CTDSPL: variants seen among roughly 807,000 people sequenced by gnomAD.
CTDSPL encodes CTD small phosphatase like.
A neutral mutation model predicts 30.5 loss-of-function variants in CTDSPL; 8 were observed. That is an observed-to-expected ratio of 0.26 (90% CI 0.15 to 0.47). The LOEUF is 0.47. Ranked by LOEUF, CTDSPL falls within the 20% of genes least tolerant of loss-of-function variation. The pLI is 0.99. For missense variants in CTDSPL, 248 were observed against 366.1 expected (o/e 0.68, Z 2.63); for synonymous variants, 110 against 137.9 (o/e 0.80, Z 1.42).
chr3:37,974,070 A>G (rs900792034), intron 6 of CTDSPL, among the ~76,000 whole-genome samples: 2 of 152,228 alleles, frequency 1.3e-5, no homozygotes, highest in Non-Finnish European at 2.9e-5. Context: ...CTCATCAGCT[A>G]TTGTTAGTGA....
chr3:37,974,700 A>T (rs2125635002), intron 6 of CTDSPL, among the ~76,000 whole-genome samples: 1 of 152,306 alleles, frequency 6.6e-6, no homozygotes, highest in Middle Eastern at 3.4e-3. Context: ...CGCAACTGTG[A>T]GCTGGGCTCA....
At position 37,975,768 on chromosome 3, in the gene CTDSPL, C is replaced by T. The variant is rs753445981; in HGVS notation, c.579C>T (p.Phe193=). 10 of 1,614,116 alleles carry T rather than the reference C, an allele frequency of 6.2e-6. No individual in the cohort carries two copies. Among genetic ancestry groups the T allele is most frequent in the Non-Finnish European group, 8.5e-6 (10 of 1,180,036 alleles). Residue 193 remains phenylalanine, a synonymous_variant, in exon 7 of 8, where the codon TTC becomes TTT. Transcript: ENST00000273179. The surrounding 1 kb of genome is among the most constrained non-coding windows in gnomAD (Gnocchi z 4.9). ...DRWGVFRARL[F]RESCVFHRGN... ...GGGGTGTGTTCCGGGCCCGGCTCTT[C>T]AGAGAATCATGTGTTTTTCATCGTG... is the stretch of plus-strand genomic sequence containing the variant.
chr3:37,875,232 C>T (rs1698122618), intron 1 of CTDSPL, among the ~76,000 whole-genome samples: 1 of 152,188 alleles, frequency 6.6e-6, no homozygotes, highest in Admixed American at 6.5e-5. Flanking sequence ...CCTCTGAAAC[C>T]AGGACCTAAT....
intron 6 of CTDSPL, among the ~76,000 whole-genome samples, chr3:37,974,359 C>T (rs771444789): frequency 9.9e-5 from 15 of 152,220 alleles, no homozygotes; most frequent in Non-Finnish European, 1.8e-4. Context: ...TTGCAGCCCA[C>T]GTCCCACAGC....
intron 1 of CTDSPL, among the ~76,000 whole-genome samples, chr3:37,932,295 G>C (rs887899087): frequency 6.6e-6 from 1 of 152,128 alleles, no homozygotes; most frequent in African/African-American, 2.4e-5. Context: ...TATCGTATTA[G>C]AATGAGAAGG....
chr3:37,944,403 A>G (rs1013949014), intron 1 of CTDSPL, among the ~76,000 whole-genome samples: 2 of 150,228 alleles, frequency 1.3e-5, no homozygotes, highest in South Asian at 2.2e-4. Flanking sequence ...TTTTTATTTC[A>G]TGTGTCAACC....
At chr3:37,897,309 C>G (rs1442927783) in intron 1 of CTDSPL, among the ~76,000 whole-genome samples, 1 of 152,116 alleles carries the variant, frequency 6.6e-6, no homozygotes, top group Non-Finnish European at 1.5e-5. Context: ...TAGGGGGAAG[C>G]TTACCAAGTT....
At chr3:37,945,013 C>T (rs1207821882) in intron 1 of CTDSPL, among the ~76,000 whole-genome samples, 2 of 150,124 alleles carry the variant, frequency 1.3e-5, no homozygotes, top group East Asian at 1.9e-4. Flanking sequence ...GGGGAAAGTT[C>T]GTGTGATCCA....
rs962171158 is a variant in CTDSPL at position 37,894,409 on chromosome 3, G to GT, written c.79+32140dup. Among the ~76,000 whole-genome samples the GT allele has an allele frequency of 4.4e-4, 66 of 151,288 alleles. 1 individual carries two copies. The highest frequency in any genetic ancestry group is 3.4e-3 in the Middle Eastern group (1 of 292). ...GGCGTGAACCACCAGGCCCAGCCAAGTTTTTTTTTCCAAATGCTGTTATAA... is the reference window on the plus strand; with the variant it reads ...GGCGTGAACCACCAGGCCCAGCCAAGTTTTTTTTTTCCAAATGCTGTTATAA... On this transcript the variant is annotated intron_variant, in intron 1 of 7. Coordinates refer to ENST00000273179, the MANE Select transcript of CTDSPL (RefSeq NM_001008392.2).
chr3:37,947,139 T>C lies in CTDSPL; in HGVS notation c.162T>C (p.Asn54=), dbSNP rs748570018. 6.2e-7 allele frequency: 1 copy of C among 1,613,428 alleles called. No individual in the cohort carries two copies. Among genetic ancestry groups the C allele is most frequent in the East Asian group, 2.2e-5 (1 of 44,882 alleles). ...SSFFCCFRDY[N]VEAPPPSSPS... is the part of the protein sequence containing the mutation. ...TCTTCTGCTGCTTCCGTGATTACAA[T>C]GTGGAGGCCCCTCCACCCAGCAGCC... The change falls in exon 2 of 8, where the codon AAT becomes AAC. Residue 54 remains asparagine (N), a synonymous_variant. Transcript: ENST00000273179.
At chr3:37,884,955 G>C (rs550624763) in intron 1 of CTDSPL, among the ~76,000 whole-genome samples, 1 of 152,142 alleles carries the variant, frequency 6.6e-6, no homozygotes, top group East Asian at 1.9e-4. Context: ...ATTTGATGGG[G>C]TGTGGGCAGC....
chr3:37,934,661 G>T (rs1698894393), intron 1 of CTDSPL, among the ~76,000 whole-genome samples: 1 of 152,204 alleles, frequency 6.6e-6, no homozygotes, highest in Non-Finnish European at 1.5e-5. Flanking sequence ...CCAAATAGGG[G>T]GTTGGCCATA....
At chr3:37,949,853 C>T (rs556436063) in intron 2 of CTDSPL, among the ~76,000 whole-genome samples, 1 of 152,296 alleles carries the variant, frequency 6.6e-6, no homozygotes, top group Non-Finnish European at 1.5e-5. Flanking sequence ...CATTAAGGCC[C>T]CCAGTTTTCC....
At position 37,981,020 on chromosome 3, in the gene CTDSPL, T is replaced by G; in HGVS notation, c.*153T>G. The G allele has an allele frequency of 1.2e-6, 1 of 802,438 alleles. No homozygotes were observed. Among genetic ancestry groups the G allele is most frequent in the Non-Finnish European group, 1.8e-6 (1 of 569,886 alleles). 49.7% of individuals were successfully genotyped at this position (802,438 alleles called of 1,614,324 possible). ...GCCATGCCTACCTGTTTTGTTTTTT[T>G]AAGAACAGAAACAACTATTTTAAAA... On this transcript the variant is annotated 3_prime_UTR_variant, in exon 8 of 8. Coordinates refer to ENST00000273179, the MANE Select transcript of CTDSPL (RefSeq NM_001008392.2).
intron 2 of CTDSPL, among the ~76,000 whole-genome samples, chr3:37,953,805 A>T (rs891961203): frequency 2.6e-5 from 4 of 152,240 alleles, no homozygotes; most frequent in Non-Finnish European, 5.9e-5. Flanking sequence ...CTAAAAATAA[A>T]CAGCAACCAA....
intron 1 of CTDSPL, among the ~76,000 whole-genome samples, chr3:37,918,758 T>C (rs1035244635): frequency 3.9e-5 from 6 of 152,156 alleles, no homozygotes; most frequent in African/African-American, 1.2e-4. Flanking sequence ...TAAAGGACAG[T>C]GCCTGGAGCT....
At chr3:37,899,172 T>G (rs965061409) in intron 1 of CTDSPL, among the ~76,000 whole-genome samples, 2 of 152,162 alleles carry the variant, frequency 1.3e-5, no homozygotes, top group Non-Finnish European at 2.9e-5. Flanking sequence ...AGAAGAGCAG[T>G]CTTGGCTGGA....
At chr3:37,877,135 A>C (rs916954838) in intron 1 of CTDSPL, among the ~76,000 whole-genome samples, 1 of 152,036 alleles carries the variant, frequency 6.6e-6, no homozygotes, top group Non-Finnish European at 1.5e-5. Flanking sequence ...TGATCGTCTT[A>C]ACTACTTTTA....
At chr3:37,935,242 C>T (rs1698901765) in intron 1 of CTDSPL, among the ~76,000 whole-genome samples, 1 of 152,176 alleles carries the variant, frequency 6.6e-6, no homozygotes. Flanking sequence ...CAACCAGCAA[C>T]ATGTGAGTGA....
Sources: gnomAD v4.1 joint callset for allele counts (sites outside exome capture counted in the v4.1 genomes callset) on GRCh38, gnomAD v4.1.1 for gene constraint, Gnocchi (gnomAD v3.1) non-coding constraint, MANE v1.5 for transcripts, NCBI Gene and HGNC (gene_info 2026-07-23, HGNC 2026-07-21) for gene names.